The following RPL28 variants were observed in gnomAD, a reference collection of about 807,000 sequenced individuals.
RPL28 encodes the protein large ribosomal subunit protein eL28.
Under a neutral mutation model 12.5 loss-of-function variants are expected in RPL28, and 4 were observed. The ratio of observed to expected loss-of-function variants is 0.32; its 90% CI spans 0.16 to 0.73. The LOEUF (loss-of-function observed/expected upper bound fraction) is 0.73. RPL28 is among the 30% of genes least tolerant of loss of function. The pLI is 0.66. For missense variants in RPL28, 214 were observed against 197.7 expected (o/e 1.08, Z -0.49); for synonymous variants, 91 against 72.5 (o/e 1.26, Z -1.30).
At chr19:55,392,230 TCTC>T (rs1249087763), downstream of RPL28, 3 of 489,982 alleles carry the variant, frequency 6.1e-6, no homozygotes, top group African/African-American at 2.1e-5. Context: ...TGCATGCAGA[TCTC>T]CTCTTTTTGT....
intron 4 of RPL28, chr19:55,401,849 T>TGAG: frequency 1.4e-6 from 2 of 1,402,604 alleles, no homozygotes; most frequent in South Asian, 1.2e-5. Context: ...CCGCACTGGC[T>TGAG]GTTCCTTCTG....
Position 55,388,642 on chromosome 19 carries a change from G to T in RPL28, c.*310G>T, listed in dbSNP as rs559195156. 6.8e-6 allele frequency: 8 copies of T among 1,180,574 alleles called. No homozygotes were observed. Among genetic ancestry groups the T allele is most frequent in the Non-Finnish European group, 8.4e-6 (8 of 955,356 alleles). The allele number at this position is 1,180,574 out of a possible 1,614,324, so 73.1% of individuals were successfully genotyped here. The stretch of plus-strand genomic sequence containing the variant: ...CTGAAGAATCCCAGCTGGGGCAGTG[G>T]CTTCCATTCAGAAGAAGAAAGGCCT... On this transcript the variant is annotated 3_prime_UTR_variant, in exon 5 of 5. Transcript: ENST00000344063.
At position 55,391,483 on chromosome 19, in the gene RPL28, T is replaced by C. The variant is rs1207977816; in HGVS notation, c.*3151T>C. 20 of 1,390,100 alleles carry C rather than the reference T, an allele frequency of 1.4e-5. No individual in the cohort carries two copies. The highest frequency in any genetic ancestry group is 1.9e-5 in the Non-Finnish European group (20 of 1,060,270). 86.1% of individuals were successfully genotyped at this position (1,390,100 alleles called of 1,614,324 possible). ...TGGAAGGCTGCCAAGCCCAAAGTTG[T>C]GCAGAGCGCTGGGGACTCCAGACTC... On this transcript the variant is annotated 3_prime_UTR_variant, in exon 5 of 5. Transcript: ENST00000344063.
chr19:55,387,870 G>C (rs569644793), intron 3 of RPL28, 60 bp from the exon 4 acceptor site: 143 of 1,507,552 alleles, frequency 9.5e-5, no homozygotes, highest in Non-Finnish European at 6.2e-6. Context: ...ACACCTGCGA[G>C]GTGTGCTAAA....
In RPL28 at chr19:55,389,208, G is replaced by T; in HGVS notation, c.*876G>T. The T allele has an allele frequency of 1.1e-6, 1 of 951,254 alleles. No individual in the cohort carries two copies. Among genetic ancestry groups the T allele is most frequent in the Non-Finnish European group, 1.3e-6 (1 of 798,802 alleles). The allele number at this position is 951,254 out of a possible 1,614,324, so 58.9% of individuals were successfully genotyped here. ...CCGTCTCTAAAATAAAATTAGCTGG[G>T]TGTGGTGGTGCACCGCCTGTGGTCC... On this transcript the variant is annotated 3_prime_UTR_variant, in exon 5 of 5. Coordinates refer to ENST00000344063, the MANE Select transcript of RPL28 (RefSeq NM_000991.5).
chr19:55,401,599 C>A, intron 4 of RPL28: 1 of 1,606,374 alleles, frequency 6.2e-7, no homozygotes. Flanking sequence ...GGCCAGGGCC[C>A]GACCGGCTTC....
chr19:55,387,516 G>A, intron 3 of RPL28: 2 of 1,441,652 alleles, frequency 1.4e-6, no homozygotes, highest in Non-Finnish European at 1.8e-6. Flanking sequence ...CTAAGGGACT[G>A]GCCTGAGTGA....
chr19:55,398,357 G>A (rs1052092673), intron 4 of RPL28, among the ~76,000 whole-genome samples: 3 of 152,198 alleles, frequency 2.0e-5, no homozygotes. Flanking sequence ...AGGTTGTTGA[G>A]TAATAAGTTG....
rs764696800 is a variant in RPL28 at position 55,391,605 on chromosome 19, C to T, written c.*3273C>T. 3.9e-6 allele frequency: 6 copies of T among 1,548,986 alleles called. No homozygotes were observed. In the African/African-American group the frequency reaches 5.5e-5, roughly 14 times the overall value. ...GCTCTGCTGCTCGGTGGCTGTGCAA[C>T]CTTGGGCAAGTTCCTCAACCTCTCT... On this transcript the variant is annotated 3_prime_UTR_variant, in exon 5 of 5. Coordinates refer to ENST00000344063, the MANE Select transcript of RPL28 (RefSeq NM_000991.5).
intron 4 of RPL28, among the ~76,000 whole-genome samples, chr19:55,401,945 T>C (rs528236526): frequency 7.9e-5 from 12 of 152,298 alleles, no homozygotes; most frequent in Non-Finnish European, 5.9e-5. Context: ...GCCACCTTCA[T>C]GTGACCTGCC....
chr19:55,401,176 C>CA (rs2090054815), intron 4 of RPL28: 1 of 540,588 alleles, frequency 1.8e-6, no homozygotes, highest in African/African-American at 1.9e-5. Flanking sequence ...CCCACTGCTG[C>CA]AGTCCATGAG....
At chr19:55,387,183 G>C (rs1200177759) in intron 3 of RPL28, 16 of 1,338,676 alleles carry the variant, frequency 1.2e-5, no homozygotes, top group Non-Finnish European at 1.6e-5. Flanking sequence ...GTCAGGTGCA[G>C]GCCTTTTTGG....
rs563514903 is a variant in RPL28 at position 55,390,815 on chromosome 19, A to G, written c.*2483A>G. ...GGGAGGGAGATGGTCTCAGCCCCAC[A>G]GAGTTTGGAGTCCTCAGTGTGCTGA... On this transcript the variant is annotated 3_prime_UTR_variant, in exon 5 of 5. Coordinates refer to ENST00000344063, the MANE Select transcript of RPL28 (RefSeq NM_000991.5). 5.1e-6 allele frequency: 5 copies of G among 985,432 alleles called. No individual in the cohort carries two copies. The African/African-American group carries it at 7.0e-5, about 14-fold the overall frequency. 61.0% of individuals were successfully genotyped at this position (985,432 alleles called of 1,614,324 possible).
In RPL28 at chr19:55,390,854, C is replaced by T. The variant is rs2089983648; in HGVS notation, c.*2522C>T. 2 of 985,424 alleles carry T rather than the reference C, an allele frequency of 2.0e-6. No homozygotes were observed. The highest frequency in any genetic ancestry group is 1.1e-4 in the East Asian group (1 of 8,816). The allele number at this position is 985,424 out of a possible 1,614,324, so 61.0% of individuals were successfully genotyped here. On this transcript the variant is annotated 3_prime_UTR_variant, in exon 5 of 5. Transcript: ENST00000344063. ...TCAGTGTGCTGAGCAAACGTGGAGA[C>T]ACCATTTCCCTCCTCTAGACCTCAT...
At chr19:55,401,542 G>T (rs201696148) in intron 4 of RPL28, 2 of 1,610,064 alleles carry the variant, frequency 1.2e-6, no homozygotes, top group Non-Finnish European at 1.7e-6. Context: ...AGCCCCTCCC[G>T]GGCCCCCTGG....
intron 3 of RPL28, 126 bp from the exon 4 acceptor site, chr19:55,387,804 T>C: frequency 6.8e-7 from 1 of 1,467,790 alleles, no homozygotes; most frequent in Non-Finnish European, 9.0e-7. Flanking sequence ...CCTGCTGGCC[T>C]GCCCAGGCAC....
chr19:55,393,462 C>T (rs544880085), downstream of RPL28, among the ~76,000 whole-genome samples: 137 of 152,164 alleles, frequency 9.0e-4, no homozygotes, highest in African/African-American at 3.2e-3. Context: ...ATAAAGTCCA[C>T]GCTTTTAGAG....
At position 55,389,833 on chromosome 19, in the gene RPL28, A is replaced by G. The variant is rs28372059; in HGVS notation, c.*1501A>G. 0.01 allele frequency: 10,062 copies of G among 984,496 alleles called. 276 individuals carry two copies. The highest frequency in any genetic ancestry group is 0.092 in the African/African-American group (5,266 of 57,194). The allele number at this position is 984,496 out of a possible 1,614,324, so 61.0% of individuals were successfully genotyped here. ...GCTCAGGACCCCCCGCACTGTCCCA[A>G]TCCCACTCAGGCCCACCTCCAGCTG... On this transcript the variant is annotated 3_prime_UTR_variant, in exon 5 of 5. Coordinates refer to ENST00000344063, the MANE Select transcript of RPL28 (RefSeq NM_000991.5).
chr19:55,393,282 C>T (rs1387670397), downstream of RPL28, among the ~76,000 whole-genome samples: 1 of 106,782 alleles, frequency 9.4e-6, no homozygotes, highest in Non-Finnish European at 1.8e-5. Flanking sequence ...GAATAAAAGC[C>T]CAAACCTTTC....
Sources: allele counts gnomAD v4.1 joint callset (sites outside exome capture counted in the v4.1 genomes callset), GRCh38; gene constraint gnomAD v4.1.1; transcripts MANE v1.5; gene names NCBI Gene and HGNC (gene_info 2026-07-23, HGNC 2026-07-21).